The following TENM2 variants were observed in gnomAD, a reference collection of about 807,000 sequenced individuals.
The protein encoded by TENM2 is teneurin transmembrane protein 2, also known as teneurin-2.
A neutral mutation model predicts 245.2 loss-of-function variants in TENM2; 52 were observed. That is an observed-to-expected ratio of 0.21 (90% confidence interval 0.17 to 0.27). The LOEUF (loss-of-function observed/expected upper bound fraction) is 0.27. Ranked by LOEUF, TENM2 falls within the 10% of genes least tolerant of loss-of-function variation. The pLI, the probability that TENM2 is intolerant of heterozygous loss-of-function variation, is 1.00. For synonymous variants in TENM2, 1,363 were observed against 1,438.9 expected, an observed-to-expected ratio of 0.95 and a Z score of 1.19; for missense variants, 3,046 against 3,666.8, an observed-to-expected ratio of 0.83 and a Z score of 4.37.
chr5:167,323,920 A>G (rs1022099073), intron 1 of TENM2, among the ~76,000 whole-genome samples: 3 of 152,202 alleles, frequency 2.0e-5, no homozygotes, highest in Admixed American at 2.0e-4. Flanking sequence ...AGGGTGGGGC[A>G]TAACGATCTG....
chr5:167,947,334 C>G (rs534582450), intron 3 of TENM2, among the ~76,000 whole-genome samples: 1 of 152,118 alleles, frequency 6.6e-6, no homozygotes, highest in African/African-American at 2.4e-5. Flanking sequence ...ATGAATTGTG[C>G]TAGGCTCCTT....
Position 168,004,508 on chromosome 5 carries a change from C to CGT in TENM2, c.1186+11327_1186+11328insTG, listed in dbSNP as rs1242435019. Among the ~76,000 whole-genome samples the CGT allele has an allele frequency of 3.1e-4, 24 of 76,652 alleles. No homozygotes were observed. The East Asian group carries it at 3.1e-3, about 10-fold the overall frequency. 50.3% of individuals were successfully genotyped at this position (76,652 alleles called of 152,430 possible). A position where few individuals can be genotyped will look rare whatever the true frequency, so the allele number is the denominator to read the frequency against. Reference sequence around the variant, plus strand: ...AGCCCCCATTTGGGATGCACGCATGCGCGCGCGCGCACACACACACACACA... The same window carrying CGT: ...AGCCCCCATTTGGGATGCACGCATGCGTGCGCGCGCGCACACACACACACACA... On this transcript the variant is annotated intron_variant, in intron 5 of 28. Transcript: ENST00000518659.
At chr5:167,260,802 G>A in the TENM2 span, among the ~76,000 whole-genome samples, 1 of 152,178 alleles carries the variant, frequency 6.6e-6, no homozygotes, top group East Asian at 1.9e-4. Flanking sequence ...ATATTAGGAT[G>A]TGGAAAGGAA....
At chr5:167,632,159 G>A (rs974936644) in intron 2 of TENM2, among the ~76,000 whole-genome samples, 7 of 152,090 alleles carry the variant, frequency 4.6e-5, no homozygotes, top group South Asian at 2.1e-4. Context: ...GCCTCTCAGC[G>A]ACCCAGTAGG....
At chr5:167,875,317 T>TG (rs150088178) in intron 2 of TENM2, among the ~76,000 whole-genome samples, 3,919 of 152,184 alleles carry the variant, frequency 0.026, 173 homozygotes, top group African/African-American at 0.09. Flanking sequence ...GTGAAGACTC[T>TG]GAAGGTGGAA....
intron 7 of TENM2, among the ~76,000 whole-genome samples, chr5:168,067,252 C>T (rs140994901): frequency 4.6e-5 from 7 of 152,224 alleles, no homozygotes; most frequent in Non-Finnish European, 7.4e-5. Context: ...GATTGAATGG[C>T]GGTAAGACAG....
chr5:167,455,127 A>G (rs1466062713), intron 2 of TENM2, among the ~76,000 whole-genome samples: 1 of 152,220 alleles, frequency 6.6e-6, no homozygotes, highest in African/African-American at 2.4e-5. Context: ...TCCTGTCTTC[A>G]TGCCATGCTT....
At chr5:167,933,579 A>C (rs992563760) in intron 3 of TENM2, among the ~76,000 whole-genome samples, 1 of 152,218 alleles carries the variant, frequency 6.6e-6, no homozygotes, top group Non-Finnish European at 1.5e-5. Context: ...AGCATGGTTA[A>C]AATAAAAATA....
At chr5:168,245,902 G>C (rs1362054301) in intron 26 of TENM2, among the ~76,000 whole-genome samples, 2 of 152,100 alleles carry the variant, frequency 1.3e-5, no homozygotes, top group Non-Finnish European at 2.9e-5. Context: ...CAAAGAATCA[G>C]TGATTCTAGG....
At chr5:167,858,654 G>A (rs1389416816) in intron 2 of TENM2, among the ~76,000 whole-genome samples, 1 of 151,582 alleles carries the variant, frequency 6.6e-6, no homozygotes, top group East Asian at 1.9e-4. Context: ...GCAGTGCGGA[G>A]CCGGGACAGT....
intron 2 of TENM2, among the ~76,000 whole-genome samples, chr5:167,659,438 A>G (rs551007479): frequency 6.6e-6 from 1 of 152,222 alleles, no homozygotes; most frequent in South Asian, 2.1e-4. Flanking sequence ...TCATAAATCA[A>G]TAAGGAATAA....
chr5:167,525,054 C>T (rs1486122100), intron 2 of TENM2, among the ~76,000 whole-genome samples: 1 of 152,002 alleles, frequency 6.6e-6, no homozygotes, highest in African/African-American at 2.4e-5. Context: ...GTTTGTTAAT[C>T]AGCTTGATGA....
chr5:167,726,970 T>C (rs890514614), intron 2 of TENM2, among the ~76,000 whole-genome samples: 1 of 152,188 alleles, frequency 6.6e-6, no homozygotes, highest in Non-Finnish European at 1.5e-5. Flanking sequence ...GGTCAATAAA[T>C]ATGTTTTATG....
At chr5:167,250,645 A>G in the TENM2 span, among the ~76,000 whole-genome samples, 46 of 152,254 alleles carry the variant, frequency 3.0e-4, no homozygotes, top group African/African-American at 1.1e-3. Context: ...CTGATGTTAT[A>G]TATGAGGCCA....
At chr5:167,911,400 G>A (rs554301517) in intron 3 of TENM2, among the ~76,000 whole-genome samples, 6 of 152,244 alleles carry the variant, frequency 3.9e-5, no homozygotes, top group South Asian at 2.1e-4. Flanking sequence ...GGTGGCGGGC[G>A]CCTGTAGTCC....
intron 27 of TENM2, 78 bp downstream of exon 29, chr5:168,248,449 C>A: frequency 7.0e-7 from 1 of 1,429,694 alleles, no homozygotes; most frequent in South Asian, 1.3e-5. Flanking sequence ...GGAGGAAGGT[C>A]TCCCATCTTA....
intron 2 of TENM2, among the ~76,000 whole-genome samples, chr5:167,869,793 C>T (rs1416787376): frequency 6.6e-6 from 1 of 151,988 alleles, no homozygotes; most frequent in Non-Finnish European, 1.5e-5. Context: ...GATGCACTTT[C>T]CTGCAAAATA....
chr5:167,918,243 G>A (rs1777095153), intron 3 of TENM2, among the ~76,000 whole-genome samples: 1 of 152,112 alleles, frequency 6.6e-6, no homozygotes, highest in South Asian at 2.1e-4. Flanking sequence ...AGTTACCATA[G>A]GTCCTTAAAA....
At chr5:167,781,264 T>C (rs184995562) in intron 2 of TENM2, among the ~76,000 whole-genome samples, 1 of 152,306 alleles carries the variant, frequency 6.6e-6, no homozygotes, top group African/African-American at 2.4e-5. Context: ...GAAGCTATGA[T>C]TGCAACACTG....
Sources: allele counts gnomAD v4.1 joint callset (sites outside exome capture counted in the v4.1 genomes callset), GRCh38; gene constraint gnomAD v4.1.1; transcripts MANE v1.5; gene names NCBI Gene and HGNC (gene_info 2026-07-23, HGNC 2026-07-21).